KLHL5: variants seen among roughly 807,000 people sequenced by gnomAD.
KLHL5 encodes the protein kelch-like protein 5.
Under a neutral mutation model 77.7 loss-of-function variants are expected in KLHL5, and 48 were observed. That is an observed-to-expected ratio of 0.62 (90% CI 0.49 to 0.79). The LOEUF (loss-of-function observed/expected upper bound fraction) is 0.79, where lower values mean the gene tolerates loss of function less well. Among genes scored for constraint, KLHL5 ranks in the 30% least tolerant of loss-of-function variants. The pLI, the probability that KLHL5 is intolerant of heterozygous loss-of-function variation, is 0.00. For missense variants in KLHL5, 723 were observed against 859.7 expected (o/e 0.84, Z 1.99); for synonymous variants, 260 against 297.0 (o/e 0.88, Z 1.28).
intron 1 of KLHL5, among the ~76,000 whole-genome samples, chr4:39,048,761 A>G (rs916475402): frequency 6.9e-6 from 1 of 145,758 alleles, no homozygotes; most frequent in African/African-American, 2.5e-5. Flanking sequence ...CTCCTGCCTC[A>G]GCCTCCCGAG....
In KLHL5 at chr4:39,063,001, G is replaced by A; in HGVS notation, c.349G>A (p.Glu117Lys). The change falls in exon 1 of 11, where the codon GAA becomes AAA. Residue 117 changes from glutamate to lysine, a missense_variant. By Grantham distance (56) the Glu-to-Lys change is moderately conservative. Coordinates refer to ENST00000504108, the MANE Select transcript of KLHL5 (RefSeq NM_015990.5). Reference sequence around the variant, plus strand: ...ACCAGAAGTGGATGATGGCACTAGTGAAGAAGAAAATGAATCTGATTCCAG... The same window carrying A: ...ACCAGAAGTGGATGATGGCACTAGTAAAGAAGAAAATGAATCTGATTCCAG... ...DRPEVDDGTS[E>K]EENESDSSSC... 6.2e-7 allele frequency: 1 copy of A among 1,613,198 alleles called. No homozygotes were observed. The highest frequency in any genetic ancestry group is 8.5e-7 in the Non-Finnish European group (1 of 1,179,698).
chr4:39,080,682 T>C (rs1300594586), intron 2 of KLHL5, among the ~76,000 whole-genome samples: 9 of 152,066 alleles, frequency 5.9e-5, no homozygotes, highest in Non-Finnish European at 8.8e-5. Context: ...TAGAATATTA[T>C]AAAAGTTTAA....
chr4:39,139,757 T>C, the KLHL5 span, among the ~76,000 whole-genome samples: 1 of 152,208 alleles, frequency 6.6e-6, no homozygotes, highest in East Asian at 1.9e-4. Context: ...GAGGACGCAA[T>C]AGTATCACTT....
chr4:39,139,624 C>T, the KLHL5 span, among the ~76,000 whole-genome samples: 34 of 152,192 alleles, frequency 2.2e-4, no homozygotes, highest in Middle Eastern at 6.8e-3. Context: ...CGGGGGAAGG[C>T]TATGCATGTG....
upstream of KLHL5, among the ~76,000 whole-genome samples, chr4:39,061,158 T>G (rs1560406617): frequency 6.6e-6 from 1 of 152,214 alleles, no homozygotes; most frequent in Admixed American, 6.5e-5. Flanking sequence ...TTTGTATGGT[T>G]TTTCCCGTAT....
In KLHL5 at chr4:39,120,992, T is replaced by G; in HGVS notation, c.2074-18T>G. On this transcript the variant is annotated intron_variant, in intron 10 of 10. Transcript: ENST00000504108. ...TTTTAACCTACAGATCCAATACATA[T>G]CTCTTTTTCCTTTTTAGGTTGCTCC... 6.2e-7 allele frequency: 1 copy of G among 1,601,384 alleles called. No homozygotes were observed. The highest frequency in any genetic ancestry group is 1.3e-5 in the African/African-American group (1 of 74,822).
At position 39,122,537 on chromosome 4, in the gene KLHL5, G is replaced by A. The variant is rs59690657; in HGVS notation, c.*1471G>A. 4.1e-4 allele frequency among the ~76,000 whole-genome samples: 62 copies of A among 152,272 alleles called. 1 individual carries two copies. The highest frequency in any genetic ancestry group is 1.4e-3 in the African/African-American group (59 of 41,546). On this transcript the variant is annotated 3_prime_UTR_variant, in exon 11 of 11. Transcript: ENST00000504108. The stretch of plus-strand genomic sequence containing the variant: ...AGAAAGATTTCGGCCGGGCACAGTG[G>A]CTCACGCCTATAATTCCCAGCACTT...
At chr4:39,088,394 C>A (rs1414588618) in intron 5 of KLHL5, among the ~76,000 whole-genome samples, 1 of 152,140 alleles carries the variant, frequency 6.6e-6, no homozygotes, top group African/African-American at 2.4e-5. Context: ...TTCAAAATTA[C>A]AATGTGATTG....
At chr4:39,120,951 C>A in intron 10 of KLHL5, 59 bp from the exon 11 acceptor site, 1 of 1,260,088 alleles carries the variant, frequency 7.9e-7, no homozygotes, top group Non-Finnish European at 1.2e-6. Context: ...CACCAACTGG[C>A]ATAGTAGTGT....
intron 1 of KLHL5, among the ~76,000 whole-genome samples, chr4:39,070,492 A>G (rs1560413251): frequency 6.6e-6 from 1 of 152,176 alleles, no homozygotes; most frequent in Non-Finnish European, 1.5e-5. Context: ...CCCTGTAGCT[A>G]GATCTCTGTA....
intron 1 of KLHL5, among the ~76,000 whole-genome samples, chr4:39,050,976 T>G (rs984783905): frequency 6.6e-6 from 1 of 152,242 alleles, no homozygotes; most frequent in Non-Finnish European, 1.5e-5. Context: ...CTAACTCTTA[T>G]AAGTCATCTG....
intron 4 of KLHL5, 29 bp downstream of exon 4, chr4:39,082,188 G>A (rs369000025): frequency 1.1e-5 from 16 of 1,511,008 alleles, no homozygotes; most frequent in South Asian, 5.0e-5. Context: ...TGAGAAAGTC[G>A]ATCCTCCATA....
chr4:39,092,214 T>C (rs1720649716), intron 5 of KLHL5, among the ~76,000 whole-genome samples: 1 of 152,148 alleles, frequency 6.6e-6, no homozygotes, highest in African/African-American at 2.4e-5. Flanking sequence ...GCAGAGTTCA[T>C]GAAAGTATAT....
In KLHL5 at chr4:39,096,737, G is replaced by T; in HGVS notation, c.1159G>T (p.Glu387Ter). The T allele has an allele frequency of 6.2e-7, 1 of 1,613,098 alleles. No homozygotes were observed. The highest frequency in any genetic ancestry group is 8.5e-7 in the Non-Finnish European group (1 of 1,179,240). The change falls in exon 6 of 11, where the codon GAA (glutamate) becomes TAA (stop). Residue 387 changes from glutamate to a stop codon, truncating the protein, a stop_gained. Coordinates refer to ENST00000504108, the MANE Select transcript of KLHL5 (RefSeq NM_015990.5). LOFTEE classifies it high-confidence loss of function. ...ENNVLFRDDI[E>*]CQKLIMEAMK... ...TAATGTACTTTTTCGGGATGATATA[G>T]AATGTCAGAAACTCATTATGGAAGC... is the stretch of plus-strand genomic sequence containing the variant.
At chr4:39,113,976 G>A (rs559403776) in intron 9 of KLHL5, among the ~76,000 whole-genome samples, 1 of 152,290 alleles carries the variant, frequency 6.6e-6, no homozygotes, top group South Asian at 2.1e-4. Flanking sequence ...CAGAGAGTGT[G>A]TGTGTGTGTT....
chr4:39,076,828 T>G (rs1386884850), intron 2 of KLHL5, among the ~76,000 whole-genome samples: 3 of 144,214 alleles, frequency 2.1e-5, no homozygotes, highest in Admixed American at 7.1e-5. Context: ...CAAAGAGAGA[T>G]AACATCGGAA....
the KLHL5 span, among the ~76,000 whole-genome samples, chr4:39,134,950 A>G: frequency 6.6e-6 from 1 of 152,224 alleles, no homozygotes; most frequent in Non-Finnish European, 1.5e-5. Context: ...TCTAAGGACT[A>G]TGAATAGCCA....
intron 6 of KLHL5, among the ~76,000 whole-genome samples, chr4:39,098,240 A>G (rs904528494): frequency 6.6e-6 from 1 of 151,560 alleles, no homozygotes; most frequent in Non-Finnish European, 1.5e-5. Context: ...GTATAATGCC[A>G]TCATTTCTGC....
the KLHL5 span, among the ~76,000 whole-genome samples, chr4:39,141,476 TA>T: frequency 6.6e-6 from 1 of 151,962 alleles, no homozygotes; most frequent in African/African-American, 2.4e-5. Context: ...GCCAGGCTAA[TA>T]ATTTTTTGTA....
Sources: allele counts gnomAD v4.1 joint callset (sites outside exome capture counted in the v4.1 genomes callset), GRCh38; gene constraint gnomAD v4.1.1; transcripts MANE v1.5; gene names NCBI Gene and HGNC (gene_info 2026-07-23, HGNC 2026-07-21).